Variants in FHIT observed in about 807,000 individuals in gnomAD.
FHIT encodes bis(5'-adenosyl)-triphosphatase.
FHIT carries 19 observed loss-of-function variants against 17.9 expected under a neutral mutation model. The ratio of observed to expected loss-of-function variants is 1.06; its 90% confidence interval spans 0.74 to 1.56. The LOEUF (loss-of-function observed/expected upper bound fraction) is 1.56, where lower values mean the gene tolerates loss of function less well. Among genes scored for constraint, FHIT ranks in the 40% most tolerant of loss-of-function variants. FHIT has a pLI of 0.00. For synonymous variants in FHIT, 81 were observed against 69.7 expected (o/e 1.16, Z -0.81); for missense variants, 248 against 189.2 (o/e 1.31, Z -1.82).
intron 2 of FHIT, among the ~76,000 whole-genome samples, chr3:61,163,557 A>G (rs1452826586): frequency 6.6e-6 from 1 of 152,208 alleles, no homozygotes; most frequent in Non-Finnish European, 1.5e-5. Context: ...AGCAGGCCAT[A>G]AAAGAAATCT....
chr3:60,994,077 A>G (rs2030475219), intron 3 of FHIT, among the ~76,000 whole-genome samples: 1 of 152,244 alleles, frequency 6.6e-6, no homozygotes, highest in Non-Finnish European at 1.5e-5. Context: ...TACATGCTGT[A>G]CATGCCGAAA....
intron 2 of FHIT, among the ~76,000 whole-genome samples, chr3:61,097,472 T>C (rs1012560848): frequency 1.3e-5 from 2 of 152,232 alleles, no homozygotes; most frequent in African/African-American, 4.8e-5. Flanking sequence ...TACCCAGTAA[T>C]GGGATTGCTG....
chr3:60,967,925 A>T (rs1469745767), intron 3 of FHIT, among the ~76,000 whole-genome samples: 1 of 152,246 alleles, frequency 6.6e-6, no homozygotes, highest in Non-Finnish European at 1.5e-5. Flanking sequence ...TCGCCACTAC[A>T]ATTTAAAATT....
At chr3:61,092,488 A>G (rs1575997811) in intron 2 of FHIT, among the ~76,000 whole-genome samples, 1 of 150,592 alleles carries the variant, frequency 6.6e-6, no homozygotes, top group Non-Finnish European at 1.5e-5. Context: ...TCTAAAGTAT[A>G]TATGTCCCTT....
chr3:60,376,665 C>G (rs1044783164), intron 5 of FHIT, among the ~76,000 whole-genome samples: 3 of 152,116 alleles, frequency 2.0e-5, no homozygotes, highest in Non-Finnish European at 4.4e-5. Flanking sequence ...AGAAGCTGTC[C>G]TTTCCTGGTT....
At chr3:60,292,926 C>T (rs7637894) in intron 5 of FHIT, among the ~76,000 whole-genome samples, 96,299 of 152,002 alleles carry the variant, frequency 0.63, 32,628 homozygotes, top group East Asian at 0.97. Flanking sequence ...CTGAAGTATA[C>T]ATGTATAAGC....
At chr3:60,011,178 T>C (rs1700121073) in intron 7 of FHIT, among the ~76,000 whole-genome samples, 193 bp downstream of exon 7, 5 of 152,212 alleles carry the variant, frequency 3.3e-5, no homozygotes. Context: ...AGTAAATGTC[T>C]TGTAAACCAA....
chr3:60,194,319 A>C (rs1188489277), intron 5 of FHIT, among the ~76,000 whole-genome samples: 1 of 152,198 alleles, frequency 6.6e-6, no homozygotes, highest in Non-Finnish European at 1.5e-5. Flanking sequence ...CAAAGCATTA[A>C]AAAACATAAA....
At chr3:60,206,397 A>T (rs1703192218) in intron 5 of FHIT, among the ~76,000 whole-genome samples, 1 of 152,180 alleles carries the variant, frequency 6.6e-6, no homozygotes, top group Non-Finnish European at 1.5e-5. Context: ...CTTCAGGGTT[A>T]TGAGAGTTTC....
intron 2 of FHIT, among the ~76,000 whole-genome samples, chr3:61,045,187 C>A (rs186892293): frequency 1.3e-5 from 2 of 152,134 alleles, no homozygotes; most frequent in Non-Finnish European, 2.9e-5. Flanking sequence ...CACAGACTGG[C>A]AAATTGGGTA....
At chr3:60,275,270 C>T (rs1707073875) in intron 5 of FHIT, among the ~76,000 whole-genome samples, 1 of 151,652 alleles carries the variant, frequency 6.6e-6, no homozygotes, top group Non-Finnish European at 1.5e-5. Context: ...ACTTACTTAG[C>T]AAGGTCATCA....
chr3:60,451,261 C>T (rs1047305797), intron 5 of FHIT, among the ~76,000 whole-genome samples: 2 of 152,048 alleles, frequency 1.3e-5, no homozygotes, highest in Non-Finnish European at 2.9e-5. Context: ...TTTTGGGAAA[C>T]GTCCTAAGCC....
intron 6 of FHIT, among the ~76,000 whole-genome samples, chr3:60,012,475 C>T (rs529651858): frequency 2.0e-5 from 3 of 151,770 alleles, no homozygotes; most frequent in African/African-American, 7.2e-5. Flanking sequence ...TGCCATGTTG[C>T]CCAAGCTGAT....
chr3:61,206,659 C>G (rs1057421048), intron 1 of FHIT, among the ~76,000 whole-genome samples: 3 of 152,004 alleles, frequency 2.0e-5, no homozygotes, highest in Admixed American at 2.0e-4. Flanking sequence ...GATTTTTGCA[C>G]ATTGATTTTG....
intron 3 of FHIT, among the ~76,000 whole-genome samples, chr3:61,033,638 A>G (rs571207362): frequency 6.6e-6 from 1 of 152,306 alleles, no homozygotes; most frequent in Non-Finnish European, 1.5e-5. Context: ...GCACAGAAGG[A>G]AAGACTCCAG....
chr3:59,845,013 A>T (rs1462279715), intron 8 of FHIT, among the ~76,000 whole-genome samples: 1 of 152,056 alleles, frequency 6.6e-6, no homozygotes, highest in African/African-American at 2.4e-5. Flanking sequence ...ACTTAGTCTC[A>T]TAGGTTTTGT....
chr3:61,164,948 T>C lies in FHIT; in HGVS notation c.-164+35669A>G, dbSNP rs571311182. Among the ~76,000 whole-genome samples the C allele has an allele frequency of 9.8e-5, 15 of 152,350 alleles. 1 individual carries two copies. The highest frequency in any genetic ancestry group is 3.4e-3 in the Middle Eastern group (1 of 294). On this transcript the variant is annotated intron_variant, in intron 2 of 9. Transcript: ENST00000492590. ...GGATAATGGCCTCCAGTTGCATCCA[T>C]GTTGCCACAAAGGACATGCTTTTGT... is the stretch of plus-strand genomic sequence containing the variant.
intron 2 of FHIT, among the ~76,000 whole-genome samples, chr3:61,148,658 T>C (rs182037555): frequency 0.01 from 1,535 of 152,322 alleles, 12 homozygotes; most frequent in Middle Eastern, 0.051. Context: ...AAAACTTCCA[T>C]GAACATTCTT....
intron 7 of FHIT, among the ~76,000 whole-genome samples, chr3:59,924,207 C>G (rs961744221): frequency 1.7e-4 from 26 of 152,156 alleles, no homozygotes; most frequent in African/African-American, 5.6e-4. Context: ...ACAGACAACC[C>G]TTAGAAGGAG....
Sources: gnomAD v4.1 joint callset for allele counts (sites outside exome capture counted in the v4.1 genomes callset) on GRCh38, gnomAD v4.1.1 for gene constraint, MANE v1.5 for transcripts, NCBI Gene and HGNC (gene_info 2026-07-23, HGNC 2026-07-21) for gene names.